CACNB2: variants seen among roughly 807,000 people sequenced by gnomAD.
The protein encoded by CACNB2 is voltage-dependent L-type calcium channel subunit beta-2.
In CACNB2, 42 loss-of-function variants were observed where a neutral mutation model predicts 73.3. The ratio of observed to expected loss-of-function variants is 0.57; its 90% confidence interval spans 0.45 to 0.74. The LOEUF (loss-of-function observed/expected upper bound fraction) is 0.74. Among genes scored for constraint, CACNB2 ranks in the 30% least tolerant of loss-of-function variants. The pLI is 0.00. For synonymous variants in CACNB2, 348 were observed against 310.3 expected (o/e 1.12, Z -1.28); for missense variants, 940 against 853.0 (o/e 1.10, Z -1.27).
chr10:18,483,927 T>G (rs2048923080), intron 3 of CACNB2, among the ~76,000 whole-genome samples: 1 of 152,208 alleles, frequency 6.6e-6, no homozygotes, highest in African/African-American at 2.4e-5. Flanking sequence ...ATACAATTAC[T>G]GAGTGGAACC....
At chr10:18,361,498 C>CACA (rs2042136815) in intron 2 of CACNB2, among the ~76,000 whole-genome samples, 1 of 122,730 alleles carries the variant, frequency 8.1e-6, no homozygotes. Flanking sequence ...GACTCTATCT[C>CACA]AAAAAAAAAA....
At chr10:18,294,280 TA>T (rs1400115082) in intron 2 of CACNB2, among the ~76,000 whole-genome samples, 1 of 152,204 alleles carries the variant, frequency 6.6e-6, no homozygotes, top group Non-Finnish European at 1.5e-5. Flanking sequence ...GGCAACTGGT[TA>T]AACTGCTTGA....
intron 3 of CACNB2, among the ~76,000 whole-genome samples, chr10:18,481,966 T>C (rs2048802396): frequency 1.3e-5 from 2 of 152,208 alleles, no homozygotes; most frequent in African/African-American, 4.8e-5. Flanking sequence ...CTCGGCTTAC[T>C]GCAACCTGTG....
At chr10:18,220,235 A>AGGGGGGGG (rs1564353978) in intron 2 of CACNB2, among the ~76,000 whole-genome samples, 1 of 37,560 alleles carries the variant, frequency 2.7e-5, no homozygotes, top group African/African-American at 1.6e-4. Context: ...ATATATATAG[A>AGGGGGGGG]GAGAGAGAGA....
intron 3 of CACNB2, among the ~76,000 whole-genome samples, chr10:18,472,535 C>T (rs1029255893): frequency 1.3e-5 from 2 of 152,152 alleles, no homozygotes; most frequent in Non-Finnish European, 2.9e-5. Flanking sequence ...CTGTGCCTGG[C>T]CCCCAGCCCA....
chr10:18,371,600 C>T (rs1238735227), intron 2 of CACNB2, among the ~76,000 whole-genome samples: 2 of 152,132 alleles, frequency 1.3e-5, no homozygotes, highest in Non-Finnish European at 2.9e-5. Context: ...TCCAGTCTAT[C>T]ATTGTTGGAC....
intron 2 of CACNB2, among the ~76,000 whole-genome samples, chr10:18,361,763 C>T (rs2042152327): frequency 6.6e-6 from 1 of 151,958 alleles, no homozygotes; most frequent in Admixed American, 6.6e-5. Flanking sequence ...CAGGTGCATG[C>T]CATCATGCCT....
chr10:18,469,731 T>C (rs117633470), intron 3 of CACNB2, among the ~76,000 whole-genome samples: 4 of 152,324 alleles, frequency 2.6e-5, no homozygotes, highest in Non-Finnish European at 5.9e-5. Context: ...TCAACAGTGT[T>C]TTCATGGTTT....
intron 2 of CACNB2, among the ~76,000 whole-genome samples, chr10:18,382,852 G>A (rs536350196): frequency 2.0e-5 from 3 of 152,258 alleles, no homozygotes; most frequent in Admixed American, 1.3e-4. Flanking sequence ...ATGTACATAC[G>A]AGTGTGTGTG....
intron 3 of CACNB2, among the ~76,000 whole-genome samples, chr10:18,413,090 C>T (rs1286836869): frequency 6.6e-6 from 1 of 152,218 alleles, no homozygotes; most frequent in Admixed American, 6.5e-5. Context: ...CCTGCCTCAG[C>T]CTTCCAAGTA....
intron 3 of CACNB2, among the ~76,000 whole-genome samples, chr10:18,474,924 C>T (rs965903937): frequency 5.3e-5 from 8 of 151,814 alleles, no homozygotes; most frequent in Admixed American, 3.3e-4. Context: ...AGATGCCAGT[C>T]GCACAAGTGA....
chr10:18,421,431 G>A (rs1408388532), intron 3 of CACNB2, among the ~76,000 whole-genome samples: 1 of 151,682 alleles, frequency 6.6e-6, no homozygotes, highest in Non-Finnish European at 1.5e-5. Context: ...CGGAGTAGCT[G>A]GGATTACAGG....
intron 2 of CACNB2, chr10:18,206,817 C>G (rs1452620838): frequency 6.6e-6 from 1 of 152,140 alleles, no homozygotes; most frequent in African/African-American, 2.4e-5. Context: ...GTAAGACATG[C>G]CAGTGTAAGC....
At chr10:18,469,701 T>C (rs2048082147) in intron 3 of CACNB2, among the ~76,000 whole-genome samples, 1 of 152,090 alleles carries the variant, frequency 6.6e-6, no homozygotes, top group Admixed American at 6.6e-5. Context: ...AGATGGAGAG[T>C]TACTGATAAT....
At chr10:18,466,401 A>G (rs764453430) in intron 3 of CACNB2, among the ~76,000 whole-genome samples, 4 of 151,896 alleles carry the variant, frequency 2.6e-5, no homozygotes, top group Non-Finnish European at 5.9e-5. Flanking sequence ...CACCATGCCC[A>G]GCTAAATTTT....
At chr10:18,224,917 C>A (rs949345607) in intron 2 of CACNB2, among the ~76,000 whole-genome samples, 9 of 152,190 alleles carry the variant, frequency 5.9e-5, no homozygotes, top group African/African-American at 2.2e-4. Context: ...TTCATCTATA[C>A]CTCAGCCTGT....
intron 3 of CACNB2, among the ~76,000 whole-genome samples, chr10:18,421,025 G>A (rs1156296980): frequency 1.3e-5 from 2 of 152,004 alleles, no homozygotes; most frequent in Non-Finnish European, 2.9e-5. Flanking sequence ...AAATACAAAA[G>A]AAGGAAATGT....
chr10:18,498,352 T>G lies in CACNB2; in HGVS notation c.334-3T>G. The G allele has an allele frequency of 6.2e-7, 1 of 1,614,156 alleles. No individual in the cohort carries two copies. The highest frequency in any genetic ancestry group is 8.5e-7 in the Non-Finnish European group (1 of 1,179,988). On this transcript the variant is annotated splice_region_variant and splice_polypyrimidine_tract_variant and intron_variant, in intron 3 of 13. Transcript: ENST00000324631. ...TTTTTCCCTCTTCCTTTTCCCACTTTAGACAAAGCCCGTTGCATTTGCGGT... is the reference window on the plus strand; with the variant it reads ...TTTTTCCCTCTTCCTTTTCCCACTTGAGACAAAGCCCGTTGCATTTGCGGT...
chr10:18,421,586 C>G (rs2132722874), intron 3 of CACNB2, among the ~76,000 whole-genome samples: 1 of 152,242 alleles, frequency 6.6e-6, no homozygotes, highest in African/African-American at 2.4e-5. Flanking sequence ...AGGCCTGAGC[C>G]ACCGTGCCTG....
Sources: allele counts gnomAD v4.1 joint callset (sites outside exome capture counted in the v4.1 genomes callset), GRCh38; gene constraint gnomAD v4.1.1; transcripts MANE v1.5; gene names NCBI Gene and HGNC (gene_info 2026-07-23, HGNC 2026-07-21).